Variants in KAZN observed in about 807,000 individuals in gnomAD.
The protein encoded by KAZN is kazrin.
KAZN carries 40 observed loss-of-function variants against 87.4 expected under a neutral mutation model. The observed-to-expected ratio is 0.46, with a 90% CI of 0.36 to 0.60. KAZN has a LOEUF of 0.60. Among genes scored for constraint, KAZN ranks in the 20% least tolerant of loss-of-function variants. The pLI is 0.00. For synonymous variants in KAZN, 466 were observed against 458.3 expected, an observed-to-expected ratio of 1.02 and a Z score of -0.22; for missense variants, 898 against 1,073.9, an observed-to-expected ratio of 0.84 and a Z score of 2.29.
intron 8 of KAZN, among the ~76,000 whole-genome samples, chr1:15,079,684 C>T (rs1639909444): frequency 6.6e-6 from 1 of 152,128 alleles, no homozygotes; most frequent in South Asian, 2.1e-4. Context: ...TCATGGGATC[C>T]ACCTTTCAGG....
intron 1 of KAZN, among the ~76,000 whole-genome samples, chr1:14,156,493 A>G (rs1645595861): frequency 6.6e-6 from 1 of 152,104 alleles, no homozygotes; most frequent in Admixed American, 6.6e-5. Context: ...CTCTCATAAT[A>G]TTTGCTTTAT....
intron 2 of KAZN, among the ~76,000 whole-genome samples, chr1:14,544,350 C>CTTTCTTTTTTTTT (rs1553186409): frequency 3.1e-5 from 3 of 98,120 alleles, no homozygotes; most frequent in African/African-American, 3.9e-5. Context: ...TTCTTTCTTT[C>CTTTCTTTTTTTTT]TTTTTTTTTT....
chr1:14,591,842 A>G (rs1572001307), intron 2 of KAZN, among the ~76,000 whole-genome samples: 1 of 152,146 alleles, frequency 6.6e-6, no homozygotes, highest in African/African-American at 2.4e-5. Flanking sequence ...ATCAACACTG[A>G]ACGCATAGAT....
At chr1:14,226,958 A>G (rs1647347661) in intron 2 of KAZN, among the ~76,000 whole-genome samples, 1 of 152,192 alleles carries the variant, frequency 6.6e-6, no homozygotes, top group Non-Finnish European at 1.5e-5. Flanking sequence ...TACGCTGATA[A>G]CCTAGGTGAC....
In KAZN at chr1:14,136,155, C is replaced by A. The variant is rs1228942320; in HGVS notation, c.92-44280C>A. On this transcript the variant is annotated intron_variant, in intron 1 of 16. Transcript: ENST00000636203. ...GATCACATCTTGGTGGGGAAGTCAACACTGTTGATTTCTGGGTGGCTATTT... is the reference window on the plus strand; with the variant it reads ...GATCACATCTTGGTGGGGAAGTCAAAACTGTTGATTTCTGGGTGGCTATTT... Among the ~76,000 whole-genome samples the A allele has an allele frequency of 3.3e-5, 5 of 152,252 alleles. No individual in the cohort carries two copies. The East Asian group carries it at 9.7e-4, about 29-fold the overall frequency.
intron 1 of KAZN, among the ~76,000 whole-genome samples, chr1:14,759,940 G>A (rs1029988486): frequency 1.3e-5 from 2 of 151,756 alleles, no homozygotes; most frequent in African/African-American, 2.4e-5. Flanking sequence ...TTTGCCTCCC[G>A]GCCTCCGAGA....
chr1:14,783,265 A>G (rs921190056), intron 1 of KAZN, among the ~76,000 whole-genome samples: 6 of 152,312 alleles, frequency 3.9e-5, no homozygotes, highest in Admixed American at 1.3e-4. Context: ...CTTAAAGGTC[A>G]TGCAGGAATT....
At chr1:14,459,260 C>CGCGCGT (rs1303345359) in intron 2 of KAZN, among the ~76,000 whole-genome samples, 1 of 118,030 alleles carries the variant, frequency 8.5e-6, no homozygotes, top group African/African-American at 3.0e-5. Flanking sequence ...TGTGTGTGCG[C>CGCGCGT]GTGTGTGTGT....
intron 2 of KAZN, among the ~76,000 whole-genome samples, chr1:14,361,903 A>G (rs185939562): frequency 1.3e-5 from 2 of 152,330 alleles, no homozygotes; most frequent in Admixed American, 6.5e-5. Flanking sequence ...AGCACCTCGT[A>G]GGGTGAAGAA....
chr1:14,631,056 C>G (rs552958405), intron 1 of KAZN, among the ~76,000 whole-genome samples: 3 of 152,116 alleles, frequency 2.0e-5, no homozygotes, highest in Non-Finnish European at 2.9e-5. Context: ...CCATTTTTCC[C>G]TGACTCTTAG....
intron 1 of KAZN, among the ~76,000 whole-genome samples, chr1:14,740,634 A>C (rs1483211426): frequency 6.6e-6 from 1 of 152,130 alleles, no homozygotes; most frequent in Non-Finnish European, 1.5e-5. Context: ...TGAGCCCCAC[A>C]GACCTCTCCC....
intron 1 of KAZN, among the ~76,000 whole-genome samples, chr1:14,782,554 C>CAAAAAAAAA (rs71572122): frequency 4.1e-3 from 270 of 66,168 alleles, no homozygotes; most frequent in Middle Eastern, 0.033. Flanking sequence ...CCTCAAAGAG[C>CAAAAAAAAA]AAAAAAAAAA....
intron 2 of KAZN, among the ~76,000 whole-genome samples, chr1:14,266,269 A>G (rs1419738636): frequency 1.3e-5 from 2 of 152,244 alleles, no homozygotes; most frequent in Non-Finnish European, 2.9e-5. Context: ...GTAAAGACAC[A>G]GGTTAAAACC....
Position 15,084,743 on chromosome 1 carries a change from T to C in KAZN, c.1223-9437T>C, listed in dbSNP as rs148880842. ...ACTCCTCTTCTCTTCCCCACCCCAG[T>C]AGAAGTTAATGTAAATCCTCTCTGG... On this transcript the variant is annotated intron_variant, in intron 8 of 14. Coordinates refer to ENST00000376030, the MANE Select transcript of KAZN (RefSeq NM_201628.3). Among the ~76,000 whole-genome samples the C allele has an allele frequency of 2.2e-3, 336 of 152,328 alleles. 8 individuals are homozygous for C. The highest frequency in any genetic ancestry group is 0.016 in the East Asian group (83 of 5,180).
rs530094091 is a variant in KAZN at position 14,360,695 on chromosome 1, A to G, written c.249+180103A>G. Reference sequence around the variant, plus strand: ...TAATTTTCCTTCTAACTGTCAGGCCACTCTGCTGCAGGTCTGCTGGAGTTT... The same window carrying G: ...TAATTTTCCTTCTAACTGTCAGGCCGCTCTGCTGCAGGTCTGCTGGAGTTT... On this transcript the variant is annotated intron_variant, in intron 2 of 16. Transcript: ENST00000636203. Among the ~76,000 whole-genome samples the G allele has an allele frequency of 3.4e-4, 51 of 151,770 alleles. 1 individual carries two copies. The East Asian group carries it at 9.7e-3, about 29-fold the overall frequency.
intron 2 of KAZN, among the ~76,000 whole-genome samples, chr1:14,515,549 T>A (rs1275168710): frequency 6.6e-6 from 1 of 152,100 alleles, no homozygotes; most frequent in Non-Finnish European, 1.5e-5. Flanking sequence ...CTCCCCTCCA[T>A]CCTTCTCCTG....
chr1:15,103,235 C>G (rs772050351), intron 11 of KAZN, 124 bp from the exon 12 acceptor site: 7 of 697,124 alleles, frequency 1.0e-5, no homozygotes, highest in African/African-American at 1.8e-5. Context: ...CCACTGCACT[C>G]ATGCCTGGGC....
At chr1:14,155,933 A>T (rs1359515159) in intron 1 of KAZN, among the ~76,000 whole-genome samples, 1 of 152,130 alleles carries the variant, frequency 6.6e-6, no homozygotes, top group Non-Finnish European at 1.5e-5. Flanking sequence ...TACAGGCATG[A>T]GCCCAGATAT....
Position 14,918,787 on chromosome 1 carries a change from T to C in KAZN, c.227-41897T>C, listed in dbSNP as rs1658186179. Among the ~76,000 whole-genome samples the C allele has an allele frequency of 2.7e-5, 4 of 145,810 alleles. No homozygotes were observed. The South Asian group carries it at 8.8e-4, about 32-fold the overall frequency. ...TGCATCTTGCCACTAGCCTTGTAAGTGAGTTTGGTTTGGAAGTAGATTGTC... is the reference window on the plus strand; with the variant it reads ...TGCATCTTGCCACTAGCCTTGTAAGCGAGTTTGGTTTGGAAGTAGATTGTC... On this transcript the variant is annotated intron_variant, in intron 1 of 14. Transcript: ENST00000376030.
Sources: allele counts gnomAD v4.1 joint callset (sites outside exome capture counted in the v4.1 genomes callset), GRCh38; gene constraint gnomAD v4.1.1; transcripts MANE v1.5; gene names NCBI Gene and HGNC (gene_info 2026-07-23, HGNC 2026-07-21).